Variants in MTMR8 observed in about 807,000 individuals in gnomAD.
MTMR8 encodes the protein phosphatidylinositol-3,5-bisphosphate 3-phosphatase MTMR8.
MTMR8 carries 65 observed loss-of-function variants against 39.3 expected under a neutral mutation model. That is an observed-to-expected ratio of 1.65 (90% CI 1.35 to 2.03). The LOEUF (loss-of-function observed/expected upper bound fraction) is 2.03. MTMR8 is among the 30% of genes most tolerant of loss of function. MTMR8 has a pLI of 0.00. For missense variants in MTMR8, 777 were observed against 538.9 expected (o/e 1.44, Z -4.37); for synonymous variants, 245 against 185.2 (o/e 1.32, Z -2.62).
At chrX:64,370,077 TTAAA>T (rs1924087815) in intron 1 of MTMR8, among the ~76,000 whole-genome samples, 1 of 110,984 alleles carries the variant, frequency 9.0e-6, no homozygotes, top group African/African-American at 3.3e-5. Flanking sequence ...GGCTAAGTAA[TTAAA>T]TAAAAACAAG....
At chrX:64,318,161 C>G in intron 12 of MTMR8, among the ~76,000 whole-genome samples, 1 of 112,168 alleles carries the variant, frequency 8.9e-6, no homozygotes, top group African/African-American at 3.2e-5. Context: ...ACTGACACCT[C>G]AGGAACAGAA....
intron 12 of MTMR8, among the ~76,000 whole-genome samples, chrX:64,326,337 A>C (rs1364440118): frequency 1.8e-5 from 2 of 111,927 alleles, no homozygotes; most frequent in Non-Finnish European, 3.8e-5. Context: ...AAACTGCTAG[A>C]GCTAATAAAC....
chrX:64,288,899 A>C (rs909327179), intron 12 of MTMR8, among the ~76,000 whole-genome samples: 2 of 110,633 alleles, frequency 1.8e-5, no homozygotes, highest in Non-Finnish European at 3.8e-5. Context: ...GGATAGCATT[A>C]GGAGATATAT....
intron 1 of MTMR8, among the ~76,000 whole-genome samples, chrX:64,394,912 AGGAT>A (rs1462779081): frequency 1.8e-5 from 2 of 112,394 alleles, no homozygotes; most frequent in Admixed American, 1.9e-4. Flanking sequence ...AGGAGCCAAG[AGGAT>A]GGTGAAGAAA....
chrX:64,270,820 A>G, intron 13 of MTMR8, 127 bp downstream of exon 13: 1 of 684,132 alleles, frequency 1.5e-6, no homozygotes, highest in Non-Finnish European at 2.1e-6. Context: ...GACACGGGAC[A>G]CATGAAAAGC....
intron 1 of MTMR8, among the ~76,000 whole-genome samples, chrX:64,391,879 C>T (rs772901195): frequency 2.7e-5 from 3 of 112,126 alleles, no homozygotes; most frequent in Admixed American, 9.5e-5. Flanking sequence ...CCAAAGTATG[C>T]ACTCTTAAAC....
At chrX:64,334,359 C>T (rs997396908) in intron 10 of MTMR8, among the ~76,000 whole-genome samples, 1 of 109,595 alleles carries the variant, frequency 9.1e-6, no homozygotes, top group African/African-American at 3.3e-5. Context: ...TCCTGAATAC[C>T]CTTGTATCTA....
At chrX:64,382,007 C>G (rs1031541681) in intron 1 of MTMR8, among the ~76,000 whole-genome samples, 1 of 111,286 alleles carries the variant, frequency 9.0e-6, no homozygotes, top group African/African-American at 3.3e-5. Flanking sequence ...GTTATTGTAG[C>G]CTTGTAGTAT....
intron 12 of MTMR8, among the ~76,000 whole-genome samples, chrX:64,289,479 A>C (rs1687385042): frequency 9.2e-6 from 1 of 109,249 alleles, no homozygotes; most frequent in African/African-American, 3.4e-5. Context: ...CTCTACAAAA[A>C]TAAAATAATT....
intron 12 of MTMR8, among the ~76,000 whole-genome samples, chrX:64,278,579 T>C (rs1054035221): frequency 2.0e-5 from 2 of 98,843 alleles, no homozygotes; most frequent in African/African-American, 7.6e-5. Context: ...GTTCAAGTGA[T>C]TACCCTGCCT....
chrX:64,312,203 T>G (rs1922329623), intron 12 of MTMR8, among the ~76,000 whole-genome samples: 1 of 111,857 alleles, frequency 8.9e-6, no homozygotes, highest in Non-Finnish European at 1.9e-5. Flanking sequence ...TAGTTGTTCT[T>G]GAAGAGGTCC....
At chrX:64,280,137 C>A (rs1315829480) in intron 12 of MTMR8, among the ~76,000 whole-genome samples, 1 of 111,932 alleles carries the variant, frequency 8.9e-6, no homozygotes, top group Non-Finnish European at 1.9e-5. Context: ...GAAATGGTAC[C>A]ATTCCTTCTG....
At chrX:64,287,790 C>T (rs771890250) in intron 12 of MTMR8, among the ~76,000 whole-genome samples, 277 of 106,626 alleles carry the variant, frequency 2.6e-3, no homozygotes, top group Non-Finnish European at 3.7e-3. Flanking sequence ...TGGATCCCTT[C>T]CTTACATCTT....
intron 8 of MTMR8, among the ~76,000 whole-genome samples, chrX:64,340,631 T>G (rs1357523742): frequency 9.0e-6 from 1 of 110,932 alleles, no homozygotes; most frequent in East Asian, 2.8e-4. Context: ...AAAAAAGGAG[T>G]TAAAGAGATC....
intron 4 of MTMR8, 86 bp downstream of exon 4, chrX:64,354,691 T>C (rs1923575557): frequency 1.1e-6 from 1 of 927,913 alleles, no homozygotes; most frequent in Non-Finnish European, 1.5e-6. Context: ...TATGAGTCAT[T>C]TCTCTCTTTT....
chrX:64,360,415 A>G, intron 1 of MTMR8: 1 of 304,620 alleles, frequency 3.3e-6, no homozygotes, highest in Non-Finnish European at 6.2e-6. Context: ...AAATCAAATG[A>G]AGATACGGAA....
chrX:64,271,107 T>G (rs1240741204), intron 12 of MTMR8, 34 bp from the exon 13 acceptor site: 1 of 1,157,356 alleles, frequency 8.6e-7, no homozygotes, highest in Non-Finnish European at 1.2e-6. Flanking sequence ...AAAAGTGGGT[T>G]AGTTTAGCTG....
rs1241633657 is a variant in MTMR8 at position 64,330,267 on chromosome X, A to T, written c.1352+1290T>A. 4.5e-5 allele frequency among the ~76,000 whole-genome samples: 5 copies of T among 112,142 alleles called. No homozygotes were observed. In the Admixed American group the frequency reaches 4.7e-4, roughly 11 times the overall value. On this transcript the variant is annotated intron_variant, in intron 11 of 13. Transcript: ENST00000374852. ...GCGTAGGTAAACAAAGACAGAATGA[A>T]TATCTTAAAAGAATTTGGGGAGAAA...
chrX:64,325,223 A>G (rs760030657), intron 12 of MTMR8, among the ~76,000 whole-genome samples: 1 of 112,197 alleles, frequency 8.9e-6, no homozygotes, highest in Non-Finnish European at 1.9e-5. Context: ...AATTCTACCA[A>G]ACATTTAAAG....
Sources: gnomAD v4.1 joint callset for allele counts (sites outside exome capture counted in the v4.1 genomes callset) on GRCh38, gnomAD v4.1.1 for gene constraint, MANE v1.5 for transcripts, NCBI Gene and HGNC (gene_info 2026-07-23, HGNC 2026-07-21) for gene names.